The following CCNJL variants were observed in gnomAD, a reference collection of about 807,000 sequenced individuals.
CCNJL encodes cyclin-J-like protein.
A neutral mutation model predicts 33.4 loss-of-function variants in CCNJL; 33 were observed. The ratio of observed to expected loss-of-function variants is 0.99; its 90% CI spans 0.75 to 1.32. The LOEUF is 1.32. CCNJL is among the 40% of genes most tolerant of loss of function. The probability of loss-of-function intolerance (pLI) is 0.00; values close to 1 mark genes in which losing one functional copy is unlikely to be tolerated. For synonymous variants in CCNJL, 227 were observed against 220.9 expected, an observed-to-expected ratio of 1.03 and a Z score of -0.24; for missense variants, 512 against 499.7, an observed-to-expected ratio of 1.02 and a Z score of -0.23.
chr5:160,288,137 A>C (rs1284135758), intron 2 of CCNJL, among the ~76,000 whole-genome samples: 1 of 152,188 alleles, frequency 6.6e-6, no homozygotes, highest in African/African-American at 2.4e-5. Context: ...TTTTAACATA[A>C]TAGCTACGGG....
At chr5:160,266,618 C>G (rs1327359776) in intron 3 of CCNJL, among the ~76,000 whole-genome samples, 1 of 152,128 alleles carries the variant, frequency 6.6e-6, no homozygotes, top group Non-Finnish European at 1.5e-5. Context: ...AGGGAGGGTG[C>G]AAGGAGTGTC....
Position 160,269,592 on chromosome 5 carries a change from C to T in CCNJL, c.281-9821G>A, listed in dbSNP as rs190617319. The stretch of plus-strand genomic sequence containing the variant: ...GAAAAGGAGAGGCCATCTTGGGTAC[C>T]GCCCTTGTGGTTCAGAGGGGAGATG... On this transcript the variant is annotated intron_variant, in intron 3 of 5. Coordinates refer to ENST00000257536, the MANE Select transcript of CCNJL (RefSeq NM_001308173.3). 1.6e-5 allele frequency: 7 copies of T among 424,670 alleles called. No individual in the cohort carries two copies. In the East Asian group the frequency reaches 2.9e-4, roughly 17 times the overall value. 26.3% of individuals were successfully genotyped at this position (424,670 alleles called of 1,614,324 possible). A position where few individuals can be genotyped will look rare whatever the true frequency, so the allele number is the denominator to read the frequency against.
At chr5:160,256,606 ACT>A (rs1761072763) in intron 4 of CCNJL, among the ~76,000 whole-genome samples, 1 of 152,080 alleles carries the variant, frequency 6.6e-6, no homozygotes, top group Non-Finnish European at 1.5e-5. Context: ...TCAGTTTATT[ACT>A]CTGTTGTCTT....
At chr5:160,254,533 A>G (rs564417990) in intron 5 of CCNJL, 1 of 433,846 alleles carries the variant, frequency 2.3e-6, no homozygotes, top group Non-Finnish European at 4.1e-6. Flanking sequence ...GACAGCTGCC[A>G]GCAAAGCTTC....
intron 3 of CCNJL, among the ~76,000 whole-genome samples, chr5:160,260,240 C>G (rs1425646890): frequency 6.6e-6 from 1 of 152,226 alleles, no homozygotes; most frequent in Non-Finnish European, 1.5e-5. Context: ...GGCCCTGTCC[C>G]TCCACGTGTA....
At chr5:160,290,769 A>G (rs747606519) in intron 2 of CCNJL, among the ~76,000 whole-genome samples, 1 of 152,180 alleles carries the variant, frequency 6.6e-6, no homozygotes. Flanking sequence ...ACACCTGATA[A>G]TTACAAAAAC....
At chr5:160,278,146 A>G (rs1486993187) in intron 3 of CCNJL, among the ~76,000 whole-genome samples, 1 of 152,170 alleles carries the variant, frequency 6.6e-6, no homozygotes, top group Non-Finnish European at 1.5e-5. Flanking sequence ...ACCTCAGGTT[A>G]TCCGACTGGC....
chr5:160,302,776 C>T (rs921109142), intron 2 of CCNJL, among the ~76,000 whole-genome samples: 1 of 151,584 alleles, frequency 6.6e-6, no homozygotes, highest in African/African-American at 2.4e-5. Context: ...CATGCCACTG[C>T]ACTTCAGCCT....
chr5:160,315,580 A>G, upstream of CCNJL: 1 of 84,834 alleles, frequency 1.2e-5, no homozygotes, highest in Non-Finnish European at 3.8e-5. Context: ...AAAAGATTAG[A>G]GTACGATCCC....
upstream of CCNJL, among the ~76,000 whole-genome samples, chr5:160,317,544 T>C (rs1763393627): frequency 6.6e-6 from 1 of 152,184 alleles, no homozygotes; most frequent in African/African-American, 2.4e-5. Context: ...CCGTGCCTCA[T>C]GAGCATAGAA....
At chr5:160,288,829 TAAAAAAAA>T in intron 2 of CCNJL, among the ~76,000 whole-genome samples, 1 of 89,538 alleles carries the variant, frequency 1.1e-5, no homozygotes, top group Non-Finnish European at 2.3e-5. Context: ...AGACTCTGTC[TAAAAAAAA>T]AAAAAAAAAA....
At chr5:160,308,735 G>A (rs768431032) in intron 2 of CCNJL, among the ~76,000 whole-genome samples, 9 of 152,258 alleles carry the variant, frequency 5.9e-5, no homozygotes, top group African/African-American at 2.2e-4. Flanking sequence ...TAGCCTGTGC[G>A]ACAGAGTGAG....
chr5:160,269,320 G>A (rs1030594221), intron 3 of CCNJL: 77 of 436,976 alleles, frequency 1.8e-4, no homozygotes, highest in Admixed American at 2.7e-4. Flanking sequence ...GCGGGGTGGG[G>A]GCCATTTGTC....
intron 2 of CCNJL, among the ~76,000 whole-genome samples, chr5:160,283,008 TACATATATATATATATATAC>T (rs1278155557): frequency 7.6e-5 from 4 of 52,660 alleles, no homozygotes; most frequent in African/African-American, 3.4e-4. Context: ...TATATATATA[TACATATATATATATATATAC>T]CTAAGAGAAA....
At chr5:160,261,728 C>T (rs559924625) in intron 3 of CCNJL, among the ~76,000 whole-genome samples, 4 of 152,256 alleles carry the variant, frequency 2.6e-5, no homozygotes, top group African/African-American at 9.6e-5. Context: ...TTATCGGTGT[C>T]CTCCAGAGCT....
At chr5:160,335,004 T>C (rs1484341094) in intron 1 of CCNJL, among the ~76,000 whole-genome samples, 1 of 152,284 alleles carries the variant, frequency 6.6e-6, no homozygotes, top group African/African-American at 2.4e-5. Flanking sequence ...GGCTCATGCC[T>C]CTAATCCCAG....
chr5:160,253,772 G>A lies in CCNJL; in HGVS notation c.770C>T (p.Ala257Val). 6.6e-7 allele frequency: 1 copy of A among 1,525,094 alleles called. No homozygotes were observed. Among genetic ancestry groups the A allele is most frequent in the Non-Finnish European group, 8.8e-7 (1 of 1,139,614 alleles). 94.5% of individuals were successfully genotyped at this position (1,525,094 alleles called of 1,614,324 possible). A position where few individuals can be genotyped will look rare whatever the true frequency, so the allele number is the denominator to read the frequency against. The change falls in exon 6 of 6, where the codon GCC (alanine) becomes GTC (valine). Residue 257 changes from alanine (A) to valine (V), a missense_variant. By Grantham distance (64) the Ala-to-Val change is moderately conservative. Coordinates refer to ENST00000257536, the MANE Select transcript of CCNJL (RefSeq NM_001308173.3). The stretch of plus-strand genomic sequence containing the variant: ...CAAGGCCTGGCTCTTGACGGCTACG[G>A]CATCCTTGAGGACGTTGTCATACAC... ...LVVYDNVLKD[A>V]VAVKSQALAM...
At chr5:160,328,485 G>A (rs1265964182) in intron 1 of CCNJL, among the ~76,000 whole-genome samples, 6 of 152,152 alleles carry the variant, frequency 3.9e-5, no homozygotes, top group African/African-American at 1.4e-4. Flanking sequence ...GACTGGGCAT[G>A]GTGGCTCAAG....
intron 3 of CCNJL, among the ~76,000 whole-genome samples, chr5:160,266,266 T>C (rs931200164): frequency 5.0e-5 from 7 of 139,138 alleles, no homozygotes; most frequent in Non-Finnish European, 9.5e-5. Flanking sequence ...CAGCCTTTGC[T>C]GGCAAGGGAG....
Sources: gnomAD v4.1 joint callset for allele counts (sites outside exome capture counted in the v4.1 genomes callset) on GRCh38, gnomAD v4.1.1 for gene constraint, MANE v1.5 for transcripts, NCBI Gene and HGNC (gene_info 2026-07-23, HGNC 2026-07-21) for gene names.